DNAH11: variants seen among roughly 807,000 people sequenced by gnomAD.
DNAH11 encodes axonemal beta dynein heavy chain 11.
A neutral mutation model predicts 526.0 loss-of-function variants in DNAH11; 442 were observed. That is an observed-to-expected ratio of 0.84 (90% CI 0.78 to 0.91). The LOEUF (loss-of-function observed/expected upper bound fraction) is 0.91. Among genes scored for constraint, DNAH11 ranks in the 40% least tolerant of loss-of-function variants. DNAH11 has a pLI of 0.00. For synonymous variants in DNAH11, 2,461 were observed against 1,935.9 expected, an observed-to-expected ratio of 1.27 and a Z score of -7.12; for missense variants, 6,989 against 5,448.7, an observed-to-expected ratio of 1.28 and a Z score of -8.90.
chr7:21,708,329 T>A (rs2965402), intron 40 of DNAH11, among the ~76,000 whole-genome samples: 2 of 152,046 alleles, frequency 1.3e-5, no homozygotes, highest in Admixed American at 1.3e-4. Context: ...CTCCCTCTTA[T>A]ACCCTACATC....
intron 76 of DNAH11, 130 bp from the exon 77 acceptor site, chr7:21,892,295 T>A: frequency 7.4e-7 from 1 of 1,344,836 alleles, no homozygotes. Flanking sequence ...TATAAAACAG[T>A]TTAGGGAGCC....
chr7:21,747,920 T>C (rs1786219164), intron 51 of DNAH11, among the ~76,000 whole-genome samples: 1 of 152,248 alleles, frequency 6.6e-6, no homozygotes. Flanking sequence ...TGATGTGGAA[T>C]TCGGATCTTT....
At chr7:21,657,192 G>A (rs913432280) in intron 29 of DNAH11, among the ~76,000 whole-genome samples, 1 of 151,998 alleles carries the variant, frequency 6.6e-6, no homozygotes, top group African/African-American at 2.4e-5. Flanking sequence ...TTGTATTTCT[G>A]CCTCTTTTAA....
intron 30 of DNAH11, among the ~76,000 whole-genome samples, chr7:21,667,119 A>G (rs1159059812): frequency 1.3e-5 from 2 of 152,142 alleles, no homozygotes; most frequent in African/African-American, 4.8e-5. Flanking sequence ...TGTGGAGTTT[A>G]TGGTTAGTGA....
chr7:21,595,119 T>G (rs1278208701), intron 14 of DNAH11, among the ~76,000 whole-genome samples: 1 of 152,228 alleles, frequency 6.6e-6, no homozygotes, highest in African/African-American at 2.4e-5. Flanking sequence ...TATCTCATAG[T>G]TCTGGAGGAC....
At chr7:21,618,205 C>G (rs1161133147) in intron 23 of DNAH11, 1 of 153,972 alleles carries the variant, frequency 6.5e-6, no homozygotes, top group Non-Finnish European at 1.4e-5. Context: ...TTTCTCAGGA[C>G]TTTCCAGATT....
At chr7:21,756,323 A>G (rs1029971615) in intron 54 of DNAH11, among the ~76,000 whole-genome samples, 6 of 152,092 alleles carry the variant, frequency 3.9e-5, no homozygotes, top group Non-Finnish European at 5.9e-5. Context: ...CTCATATATT[A>G]AATGCCTAAA....
At chr7:21,631,763 G>T (rs922234031) in intron 25 of DNAH11, among the ~76,000 whole-genome samples, 2 of 152,182 alleles carry the variant, frequency 1.3e-5, no homozygotes, top group African/African-American at 4.8e-5. Context: ...TTCACAGGCT[G>T]GTGTTGAGTA....
chr7:21,606,833 G>A, intron 20 of DNAH11, 100 bp downstream of exon 20: 2 of 1,061,222 alleles, frequency 1.9e-6, no homozygotes, highest in South Asian at 3.0e-5. Flanking sequence ...TTGTTTTGCT[G>A]TTATAGGAAT....
intron 65 of DNAH11, among the ~76,000 whole-genome samples, chr7:21,835,238 AAAACAG>A (rs1402336616): frequency 4.3e-4 from 64 of 147,526 alleles, no homozygotes; most frequent in African/African-American, 1.6e-3. Flanking sequence ...AAAAAAAAAA[AAAACAG>A]AGGGAGTTCT....
intron 9 of DNAH11, among the ~76,000 whole-genome samples, chr7:21,586,980 C>T (rs549070424): frequency 6.6e-6 from 1 of 152,318 alleles, no homozygotes; most frequent in South Asian, 2.1e-4. Context: ...AAATCATTCC[C>T]TCCTTGTAAC....
chr7:21,671,816 A>G (rs992147952), intron 30 of DNAH11, among the ~76,000 whole-genome samples: 47 of 152,324 alleles, frequency 3.1e-4, no homozygotes, highest in African/African-American at 1.1e-3. Context: ...AATATCTACC[A>G]GAAACCTGCA....
At chr7:21,800,136 C>T (rs1239498363) in intron 61 of DNAH11, among the ~76,000 whole-genome samples, 6 of 152,214 alleles carry the variant, frequency 3.9e-5, no homozygotes, top group African/African-American at 1.4e-4. Flanking sequence ...GTCTCTAGGG[C>T]TGTGTGACTT....
chr7:21,601,518 A>T lies in DNAH11; in HGVS notation c.3548A>T (p.Gln1183Leu). Residue 1183 changes from glutamine to leucine, a missense_variant, in exon 18 of 82, where the codon CAG becomes CTG. Coordinates refer to ENST00000409508, the MANE Select transcript of DNAH11 (RefSeq NM_001277115.2). ...CATCTTCTGGCTGTAAGAAGCCGACAGAGAGCTACTGATGAACTCTTTGAA... is the reference window on the plus strand; with the variant it reads ...CATCTTCTGGCTGTAAGAAGCCGACTGAGAGCTACTGATGAACTCTTTGAA... Reference protein sequence around the residue: ...MVHLLAVRSRQRATDELFEPL... With the variant: ...MVHLLAVRSRLRATDELFEPL... 1 of 1,613,794 alleles carries T rather than the reference A, an allele frequency of 6.2e-7. No individual in the cohort carries two copies. The highest frequency in any genetic ancestry group is 8.5e-7 in the Non-Finnish European group (1 of 1,179,794).
At chr7:21,697,751 C>G (rs1470152457) in intron 35 of DNAH11, among the ~76,000 whole-genome samples, 4 of 152,198 alleles carry the variant, frequency 2.6e-5, no homozygotes, top group African/African-American at 4.8e-5. Context: ...CAGGTAAAGC[C>G]TCGCCCCTTG....
At chr7:21,769,536 G>T (rs1392615171) in intron 55 of DNAH11, among the ~76,000 whole-genome samples, 1 of 151,694 alleles carries the variant, frequency 6.6e-6, no homozygotes, top group Non-Finnish European at 1.5e-5. Flanking sequence ...CCAGGCTGGA[G>T]TGCAGTGGCA....
intron 63 of DNAH11, 109 bp from the exon 64 acceptor site, chr7:21,816,358 C>T: frequency 1.2e-6 from 1 of 820,506 alleles, no homozygotes; most frequent in Non-Finnish European, 1.9e-6. Flanking sequence ...AGAAAATTAT[C>T]ATGTGTTTAC....
At chr7:21,860,545 G>T (rs958432486) in intron 68 of DNAH11, among the ~76,000 whole-genome samples, 1 of 152,210 alleles carries the variant, frequency 6.6e-6, no homozygotes, top group Non-Finnish European at 1.5e-5. Flanking sequence ...AAGCAACCCA[G>T]ATGTCCGTCA....
intron 2 of DNAH11, among the ~76,000 whole-genome samples, chr7:21,550,673 T>C (rs1161015859): frequency 6.6e-6 from 1 of 152,204 alleles, no homozygotes; most frequent in African/African-American, 2.4e-5. Flanking sequence ...ATTTGAAACC[T>C]TCCATAATTC....
Sources: gnomAD v4.1 joint callset for allele counts (sites outside exome capture counted in the v4.1 genomes callset) on GRCh38, gnomAD v4.1.1 for gene constraint, MANE v1.5 for transcripts, NCBI Gene and HGNC (gene_info 2026-07-23, HGNC 2026-07-21) for gene names.